Variants in CCDC62 observed in about 807,000 individuals in gnomAD.
CCDC62 encodes coiled-coil domain containing 62.
CCDC62 carries 72 observed loss-of-function variants against 80.8 expected under a neutral mutation model. That is an observed-to-expected ratio of 0.89 (90% CI 0.74 to 1.08). The LOEUF (loss-of-function observed/expected upper bound fraction) is 1.08. CCDC62 is among the 50% of genes least tolerant of loss of function. The probability of loss-of-function intolerance (pLI) is 0.00; values close to 1 mark genes in which losing one functional copy is unlikely to be tolerated. For missense variants in CCDC62, 704 were observed against 809.4 expected (o/e 0.87, Z 1.58); for synonymous variants, 286 against 296.5 (o/e 0.96, Z 0.36).
At chr12:122,808,873 GGT>G (rs1193796850) in intron 10 of CCDC62, among the ~76,000 whole-genome samples, 2 of 152,170 alleles carry the variant, frequency 1.3e-5, no homozygotes, top group Non-Finnish European at 2.9e-5. Context: ...CCATCAGTGT[GGT>G]GCTGATGCTC....
chr12:122,789,031 T>C, intron 5 of CCDC62, 102 bp downstream of exon 5: 2 of 881,588 alleles, frequency 2.3e-6, no homozygotes, highest in East Asian at 2.8e-5. Flanking sequence ...GATCAATTCC[T>C]GGCCTTAGAC....
In CCDC62 at chr12:122,826,661, T is replaced by C. The variant is rs909684343; in HGVS notation, c.*280T>C. The C allele has an allele frequency of 9.1e-6, 4 of 441,680 alleles. No homozygotes were observed. The Admixed American group carries it at 1.2e-4, about 13-fold the overall frequency. 27.4% of individuals were successfully genotyped at this position (441,680 alleles called of 1,614,324 possible). On this transcript the variant is annotated 3_prime_UTR_variant, in exon 13 of 13. Coordinates refer to ENST00000253079, the MANE Select transcript of CCDC62 (RefSeq NM_201435.5). The stretch of plus-strand genomic sequence containing the variant: ...TTGTACATATAGAAAGTTGGAATTA[T>C]GCTAAGAATGAAAAAGACTTCTCTG...
chr12:122,776,206 T>C (rs1268321552), intron 1 of CCDC62, among the ~76,000 whole-genome samples: 1 of 152,242 alleles, frequency 6.6e-6, no homozygotes, highest in Non-Finnish European at 1.5e-5. Context: ...GCAGTTGCTA[T>C]CGTTTTACAG....
intron 3 of CCDC62, among the ~76,000 whole-genome samples, chr12:122,782,973 G>C (rs970379054): frequency 3.3e-5 from 5 of 151,120 alleles, no homozygotes; most frequent in Non-Finnish European, 7.4e-5. Flanking sequence ...CAGGTGTGGT[G>C]GTGGGCACCT....
rs2032675076 is a variant in CCDC62 at position 122,827,344 on chromosome 12, A to G, written c.*963A>G. 6.6e-6 allele frequency: 1 copy of G among 152,176 alleles called. No individual in the cohort carries two copies. Among genetic ancestry groups the G allele is most frequent in the Admixed American group, 6.6e-5 (1 of 15,266 alleles). 9.4% of individuals were successfully genotyped at this position (152,176 alleles called of 1,614,324 possible). ...TATTTTTTTAAGCATTGCAGATATCAAAGTTCTATTGTGCTGAATAAATGC... is the reference window on the plus strand; with the variant it reads ...TATTTTTTTAAGCATTGCAGATATCGAAGTTCTATTGTGCTGAATAAATGC... On this transcript the variant is annotated 3_prime_UTR_variant, in exon 13 of 13. Transcript: ENST00000253079.
intron 11 of CCDC62, among the ~76,000 whole-genome samples, chr12:122,816,942 T>C (rs2032191368): frequency 6.6e-6 from 1 of 152,204 alleles, no homozygotes; most frequent in Admixed American, 6.6e-5. Flanking sequence ...ATGGATTTGT[T>C]GGACAGATAA....
chr12:122,813,122 A>G (rs1315832184), intron 10 of CCDC62, 148 bp from the exon 11 acceptor site: 18 of 752,724 alleles, frequency 2.4e-5, no homozygotes, highest in Non-Finnish European at 3.5e-5. Flanking sequence ...CGAGCCCAGG[A>G]GCTTGAGGCA....
chr12:122,786,178 C>T (rs1440993158), intron 4 of CCDC62, among the ~76,000 whole-genome samples: 2 of 151,972 alleles, frequency 1.3e-5, no homozygotes, highest in Admixed American at 6.5e-5. Flanking sequence ...GACGGAGTCT[C>T]GCTCTGTGGC....
chr12:122,825,096 A>C (rs2032561641), intron 12 of CCDC62, among the ~76,000 whole-genome samples: 1 of 151,926 alleles, frequency 6.6e-6, no homozygotes, highest in South Asian at 2.1e-4. Flanking sequence ...CAAAAAAAAA[A>C]AGAAAAGAAA....
intron 3 of CCDC62, among the ~76,000 whole-genome samples, chr12:122,783,191 A>G (rs1273782272): frequency 1.3e-5 from 2 of 151,518 alleles, no homozygotes; most frequent in African/African-American, 4.9e-5. Context: ...TAAGAGGTGC[A>G]GAAAGCCAGC....
chr12:122,821,334 A>G (rs1363128519), intron 11 of CCDC62, among the ~76,000 whole-genome samples: 1 of 152,192 alleles, frequency 6.6e-6, no homozygotes, highest in East Asian at 1.9e-4. Flanking sequence ...GTCCTTCCAG[A>G]TTAGAGACAA....
intron 6 of CCDC62, among the ~76,000 whole-genome samples, chr12:122,796,972 C>G (rs1246816513): frequency 6.6e-6 from 1 of 151,138 alleles, no homozygotes; most frequent in Non-Finnish European, 1.5e-5. Context: ...TTCCACCTCC[C>G]AGGTTCAAAT....
intron 3 of CCDC62, among the ~76,000 whole-genome samples, chr12:122,783,427 C>T (rs1019808296): frequency 1.3e-5 from 2 of 151,766 alleles, no homozygotes; most frequent in Non-Finnish European, 2.9e-5. Context: ...GGGGTTTCAC[C>T]GTGTTAGCCA....
At chr12:122,821,216 C>A (rs962985715) in intron 11 of CCDC62, among the ~76,000 whole-genome samples, 1 of 152,178 alleles carries the variant, frequency 6.6e-6, no homozygotes, top group African/African-American at 2.4e-5. Context: ...TCACTGAGGG[C>A]TCACTGGATC....
intron 10 of CCDC62, 43 bp from the exon 11 acceptor site, chr12:122,813,227 T>C: frequency 6.5e-7 from 1 of 1,548,848 alleles, no homozygotes. Flanking sequence ...GCATTTGTGT[T>C]TGTAAACCTA....
rs546402232 is a variant in CCDC62 at position 122,818,061 on chromosome 12, A to T, written c.2001+4642A>T. On this transcript the variant is annotated intron_variant, in intron 11 of 12. Transcript: ENST00000253079. The stretch of plus-strand genomic sequence containing the variant: ...AGTGGCTCACACCTATAATCCCAGC[A>T]CTTTGGGAGGCCGAGGTGGGAGGAT... Among the ~76,000 whole-genome samples the T allele has an allele frequency of 6.8e-4, 104 of 152,254 alleles. 1 individual carries two copies. The highest frequency in any genetic ancestry group is 3.4e-3 in the Middle Eastern group (1 of 294).
chr12:122,820,309 G>A (rs1238191790), intron 11 of CCDC62, among the ~76,000 whole-genome samples: 1 of 152,162 alleles, frequency 6.6e-6, no homozygotes, highest in Non-Finnish European at 1.5e-5. Context: ...GTAAGGGGAA[G>A]CGCACAGCTG....
chr12:122,796,026 T>C (rs1041066367), intron 6 of CCDC62, among the ~76,000 whole-genome samples: 6 of 152,214 alleles, frequency 3.9e-5, no homozygotes, highest in African/African-American at 1.4e-4. Flanking sequence ...CAATCCACTT[T>C]GATCTCTCAG....
In CCDC62 at chr12:122,801,380, T is replaced by G. The variant is rs2031296860; in HGVS notation, c.1234T>G (p.Ser412Ala). 1 of 1,614,126 alleles carries G rather than the reference T, an allele frequency of 6.2e-7. No homozygotes were observed. The highest frequency in any genetic ancestry group is 1.7e-5 in the Admixed American group (1 of 60,000). The change falls in exon 9 of 13, where the codon TCT becomes GCT. Residue 412 changes from serine (S) to alanine (A), a missense_variant. Transcript: ENST00000253079. ...DLVEKHNLPW[S>A]LGGKTQIEPE... ...AGTAGAGAAACACAACCTCCCTTGG[T>G]CTCTGGGAGGAAAAACCCAGATTGA... is the stretch of plus-strand genomic sequence containing the variant.
Sources: allele counts gnomAD v4.1 joint callset (sites outside exome capture counted in the v4.1 genomes callset), GRCh38; gene constraint gnomAD v4.1.1; transcripts MANE v1.5; gene names NCBI Gene and HGNC (gene_info 2026-07-23, HGNC 2026-07-21).